The following MTIF2 variants were observed in gnomAD, a reference collection of about 807,000 sequenced individuals.
MTIF2 encodes mitochondrial translational initiation factor 2, also known as translation initiation factor IF-2, mitochondrial.
MTIF2 carries 71 observed loss-of-function variants against 83.5 expected under a neutral mutation model. The ratio of observed to expected loss-of-function variants is 0.85; its 90% confidence interval spans 0.70 to 1.04. The LOEUF is 1.04. Ranked by LOEUF, MTIF2 falls within the 50% of genes least tolerant of loss-of-function variation. The pLI, the probability that MTIF2 is intolerant of heterozygous loss-of-function variation, is 0.00. For missense variants in MTIF2, 957 were observed against 846.5 expected, an observed-to-expected ratio of 1.13 and a Z score of -1.62; for synonymous variants, 319 against 287.1, an observed-to-expected ratio of 1.11 and a Z score of -1.12.
intron 4 of MTIF2, 122 bp from the exon 5 acceptor site, chr2:55,262,549 T>TC (rs999033534): frequency 1.4e-5 from 9 of 628,098 alleles, no homozygotes; most frequent in African/African-American, 6.0e-5. Context: ...TTCTTTTTTT[T>TC]TTTTTTTTTT....
At chr2:55,239,611 T>G (rs1202571977) in intron 14 of MTIF2, among the ~76,000 whole-genome samples, 2 of 152,222 alleles carry the variant, frequency 1.3e-5, no homozygotes, top group African/African-American at 4.8e-5. Context: ...GAAACAATAT[T>G]TTTAAATATT....
chr2:55,266,890 C>T (rs1678476714), intron 3 of MTIF2, among the ~76,000 whole-genome samples: 1 of 151,380 alleles, frequency 6.6e-6, no homozygotes, highest in Non-Finnish European at 1.5e-5. Context: ...CAGCCTTAGC[C>T]TCCCAAGTAG....
rs573715158 is a variant in MTIF2, at chr2:55,253,405, G to A, written c.664+636C>T. ...AAGTTAACACAATTTTCAGCCAGGC[G>A]CGGTGGCTCACACCTGTAATCCTAG... On this transcript the variant is annotated intron_variant, in intron 7 of 15. Coordinates refer to ENST00000263629, the MANE Select transcript of MTIF2 (RefSeq NM_002453.3). Among the ~76,000 whole-genome samples, 32 of 151,770 alleles carry A rather than the reference G, an allele frequency of 2.1e-4. No homozygotes were observed. The South Asian group carries it at 6.2e-3, about 30-fold the overall frequency.
Position 55,263,621 on chromosome 2 carries a change from A to C in MTIF2, c.219+19T>G, listed in dbSNP as rs904308203. The C allele has an allele frequency of 1.9e-6, 3 of 1,575,672 alleles. No homozygotes were observed. Among genetic ancestry groups the C allele is most frequent in the East Asian group, 4.5e-5 (2 of 44,730 alleles). The stretch of plus-strand genomic sequence containing the variant: ...TGAGACTCCATCTCAAAAAAAAAAA[A>C]AAAGAAATCTGTAACTACCTTTTTT... On this transcript the variant is annotated intron_variant, in intron 4 of 15. Transcript: ENST00000263629.
chr2:55,242,796 C>G, intron 13 of MTIF2, 144 bp downstream of exon 13: 1 of 750,330 alleles, frequency 1.3e-6, no homozygotes, highest in East Asian at 2.9e-5. Flanking sequence ...GTTTCAATTG[C>G]TAGCTGGGAC....
intron 10 of MTIF2, 80 bp downstream of exon 10, chr2:55,246,257 C>G (rs1676690744): frequency 7.0e-7 from 1 of 1,419,538 alleles, no homozygotes; most frequent in Non-Finnish European, 9.5e-7. Flanking sequence ...TAACATGTAA[C>G]AAAAATAATA....
intron 14 of MTIF2, 72 bp from the exon 15 acceptor site, chr2:55,237,500 G>C (rs1675939951): frequency 6.9e-7 from 1 of 1,445,876 alleles, no homozygotes; most frequent in South Asian, 1.4e-5. Context: ...CTGACATTCT[G>C]TGGTATAAGA....
rs1675846028 is a variant in MTIF2, at chr2:55,236,753, A to T, written c.2079T>A (p.Gly693=). 1 of 1,611,836 alleles carries T rather than the reference A, an allele frequency of 6.2e-7. No homozygotes were observed. Among genetic ancestry groups the T allele is most frequent in the South Asian group, 1.1e-5 (1 of 90,540 alleles). ...CCATATTGTCTTCATCTAAACTGAG[A>T]CCACAATCCATTCCCGTTTTGACAA... is the stretch of plus-strand genomic sequence containing the variant. ...ISIVKTGMDC[G]LSLDEDNMEF... Residue 693 remains glycine, a synonymous_variant, in exon 16 of 16, where the codon GGT becomes GGA. Coordinates refer to ENST00000263629, the MANE Select transcript of MTIF2 (RefSeq NM_002453.3).
chr2:55,246,828 G>C (rs1453165370), intron 9 of MTIF2, among the ~76,000 whole-genome samples: 2 of 152,160 alleles, frequency 1.3e-5, no homozygotes, highest in Non-Finnish European at 2.9e-5. Context: ...CCCTACAGTT[G>C]TGTTTCCTTC....
At chr2:55,252,760 AT>A in intron 7 of MTIF2, 107 bp from the exon 8 acceptor site, 1 of 746,030 alleles carries the variant, frequency 1.3e-6, no homozygotes, top group Non-Finnish European at 2.1e-6. Flanking sequence ...CTTTAAAATA[AT>A]TTTATTCCTT....
chr2:55,263,965 A>T (rs1227705918), intron 3 of MTIF2, 100 bp from the exon 4 acceptor site: 1 of 858,424 alleles, frequency 1.2e-6, no homozygotes. Flanking sequence ...CACTTAGCTC[A>T]CTAGACTTAC....
chr2:55,240,256 A>C, intron 13 of MTIF2, 81 bp from the exon 14 acceptor site: 2 of 1,296,374 alleles, frequency 1.5e-6, no homozygotes, highest in Middle Eastern at 2.0e-4. Flanking sequence ...CAGAAACTTG[A>C]ATCTAAATTG....
At chr2:55,238,462 C>A (rs1291427815) in intron 14 of MTIF2, among the ~76,000 whole-genome samples, 1 of 141,340 alleles carries the variant, frequency 7.1e-6, no homozygotes, top group Non-Finnish European at 1.5e-5. Context: ...GCGATCTTGG[C>A]TCACCAGCAA....
At chr2:55,238,939 T>A (rs933496239) in intron 14 of MTIF2, among the ~76,000 whole-genome samples, 1 of 152,200 alleles carries the variant, frequency 6.6e-6, no homozygotes, top group East Asian at 1.9e-4. Flanking sequence ...AAATCTGTTA[T>A]GTAGACCAAA....
chr2:55,268,721 G>C lies in MTIF2; in HGVS notation c.-218C>G, dbSNP rs776148085. The C allele has an allele frequency of 6.6e-6, 1 of 152,268 alleles. No individual in the cohort carries two copies. Among genetic ancestry groups the C allele is most frequent in the Non-Finnish European group, 1.5e-5 (1 of 68,080 alleles). 9.4% of individuals were successfully genotyped at this position (152,268 alleles called of 1,614,324 possible). A position where few individuals can be genotyped will look rare whatever the true frequency, so the allele number is the denominator to read the frequency against. On this transcript the variant is annotated 5_prime_UTR_variant, in exon 2 of 16. In the 5' UTR this introduces an upstream ATG that the reference lacks. Coordinates refer to ENST00000263629, the MANE Select transcript of MTIF2 (RefSeq NM_002453.3). ...CAGTACGGTGTTGTTTCGCCGCTAG[G>C]ATATCCTTGTCAAGGAATCTGAAAA...
intron 8 of MTIF2, among the ~76,000 whole-genome samples, chr2:55,251,815 G>T (rs746483270): frequency 3.3e-5 from 5 of 152,094 alleles, no homozygotes; most frequent in Non-Finnish European, 5.9e-5. Flanking sequence ...TAGAGACAGG[G>T]ATTTTCCATG....
chr2:55,263,678 C>T lies in MTIF2; in HGVS notation c.181G>A (p.Ala61Thr). Residue 61 changes from alanine to threonine, a missense_variant, in exon 4 of 16, where the codon GCT becomes ACT. Physicochemically the swap from Ala to Thr is moderately conservative, Grantham distance 58. Around this residue, in one of 3 missense-constraint regions of MTIF2, gnomAD observed 733 missense variants for 648.7 expected, o/e 1.13. Transcript: ENST00000263629. Reference sequence around the variant, plus strand: ...AGAAGCCTATACTGAGATAAAGCAGCCCCAGTGAGCACATCTGTTGGCCAG... The same window carrying T: ...AGAAGCCTATACTGAGATAAAGCAGTCCCAGTGAGCACATCTGTTGGCCAG... ...WPWPTDVLTG[A>T]ALSQYRLLVT... is the part of the protein sequence containing the mutation. The T allele has an allele frequency of 1.9e-6, 3 of 1,613,996 alleles. No individual in the cohort carries two copies. In the South Asian group the frequency reaches 3.3e-5, roughly 18 times the overall value.
chr2:55,246,340 C>T lies in MTIF2; in HGVS notation c.1103G>A (p.Arg368Lys). 6.2e-7 allele frequency: 1 copy of T among 1,613,370 alleles called. No homozygotes were observed. The highest frequency in any genetic ancestry group is 1.1e-5 in the South Asian group (1 of 90,940). Reference sequence around the variant, plus strand: ...GCAAGCATTTTAAGAGTCCTACCCTCTTCCTTTGTCTGTGAAAGACTCTAT... The same window carrying T: ...GCAAGCATTTTAAGAGTCCTACCCTTTTCCTTTGTCTGTGAAAGACTCTAT... ...TVIESFTDKG[R>K]GLVTTAIIQR... The change falls in exon 10 of 16, where the codon AGA becomes AAA. Residue 368 changes from arginine (R) to lysine (K), a missense_variant. Arg to Lys is a conservative substitution (Grantham distance 26, BLOSUM62 2). Coordinates refer to ENST00000263629, the MANE Select transcript of MTIF2 (RefSeq NM_002453.3).
At chr2:55,241,243 C>A (rs868626209) in intron 13 of MTIF2, among the ~76,000 whole-genome samples, 2 of 151,000 alleles carry the variant, frequency 1.3e-5, no homozygotes, top group Admixed American at 1.3e-4. Flanking sequence ...CATGGTGACA[C>A]CCTGTCTCTA....
Sources: allele counts gnomAD v4.1 joint callset (sites outside exome capture counted in the v4.1 genomes callset), GRCh38; gene constraint gnomAD v4.1.1; regional missense constraint gnomAD v4.1.1; transcripts MANE v1.5; gene names NCBI Gene and HGNC (gene_info 2026-07-23, HGNC 2026-07-21).